Variants in ZSWIM6 observed in about 807,000 individuals in gnomAD.
ZSWIM6 encodes zinc finger SWIM-type containing 6, also known as zinc finger SWIM domain-containing protein 6.
In ZSWIM6, 9 loss-of-function variants were observed where a neutral mutation model predicts 113.2. The ratio of observed to expected loss-of-function variants is 0.08; its 90% CI spans 0.05 to 0.14. The LOEUF is 0.14. Ranked by LOEUF, ZSWIM6 falls within the 10% of genes least tolerant of loss-of-function variation. ZSWIM6 has a pLI of 1.00. For synonymous variants in ZSWIM6, 611 were observed against 606.5 expected, an observed-to-expected ratio of 1.01 and a Z score of -0.11; for missense variants, 1,162 against 1,552.2, an observed-to-expected ratio of 0.75 and a Z score of 4.22.
chr5:61,485,348 T>C (rs1307282188), intron 2 of ZSWIM6, among the ~76,000 whole-genome samples: 1 of 152,236 alleles, frequency 6.6e-6, no homozygotes, highest in East Asian at 1.9e-4. Context: ...GATTTGGTCC[T>C]AGATGCTCTT....
At chr5:61,345,444 C>G (rs1386036632) in intron 1 of ZSWIM6, among the ~76,000 whole-genome samples, 1 of 152,044 alleles carries the variant, frequency 6.6e-6, no homozygotes, top group East Asian at 1.9e-4. Context: ...AAGAATGTGG[C>G]TATCTGTAAA....
chr5:61,338,204 A>G lies in ZSWIM6; in HGVS notation c.676+5256A>G, dbSNP rs564425609. ...GGGGGTGGCAAAGCAGTAAAAGAACATTATTAGAATTAAGATGGGTACAAA... is the reference window on the plus strand; with the variant it reads ...GGGGGTGGCAAAGCAGTAAAAGAACGTTATTAGAATTAAGATGGGTACAAA... On this transcript the variant is annotated intron_variant, in intron 1 of 13. Transcript: ENST00000252744. 4.0e-5 allele frequency among the ~76,000 whole-genome samples: 6 copies of G among 151,672 alleles called. No individual in the cohort carries two copies. The South Asian group carries it at 1.2e-3, about 32-fold the overall frequency.
At chr5:61,536,812 T>A (rs1385311781) in intron 10 of ZSWIM6, among the ~76,000 whole-genome samples, 2 of 152,228 alleles carry the variant, frequency 1.3e-5, no homozygotes, top group Non-Finnish European at 2.9e-5. Flanking sequence ...CTTACTAACC[T>A]GCTGGAGAAT....
intron 9 of ZSWIM6, among the ~76,000 whole-genome samples, chr5:61,533,457 A>G (rs1394258652): frequency 2.0e-5 from 3 of 152,230 alleles, no homozygotes; most frequent in African/African-American, 7.2e-5. Flanking sequence ...TAGATAAATT[A>G]GCATATTGAA....
At chr5:61,438,824 A>G (rs1015555638) in intron 1 of ZSWIM6, among the ~76,000 whole-genome samples, 1 of 152,290 alleles carries the variant, frequency 6.6e-6, no homozygotes, top group Non-Finnish European at 1.5e-5. Flanking sequence ...TGAGGAGGAA[A>G]GCATTCCAAC....
chr5:61,467,994 C>A (rs1044311312), intron 1 of ZSWIM6, among the ~76,000 whole-genome samples: 1 of 152,150 alleles, frequency 6.6e-6, no homozygotes, highest in Non-Finnish European at 1.5e-5. Flanking sequence ...CACACCCCTC[C>A]CCTGTTTCTC....
chr5:61,542,137 T>C (rs1749757705), intron 13 of ZSWIM6, among the ~76,000 whole-genome samples, 172 bp downstream of exon 13: 1 of 152,268 alleles, frequency 6.6e-6, no homozygotes, highest in Non-Finnish European at 1.5e-5. Context: ...CCTTCAGTTA[T>C]ACATACTTGT....
At chr5:61,351,694 T>G (rs1349826143) in intron 1 of ZSWIM6, among the ~76,000 whole-genome samples, 1 of 152,202 alleles carries the variant, frequency 6.6e-6, no homozygotes, top group African/African-American at 2.4e-5. Flanking sequence ...CTATTCCACA[T>G]TCTATTTTTG....
At chr5:61,362,546 A>G (rs779879172) in intron 1 of ZSWIM6, among the ~76,000 whole-genome samples, 3 of 152,188 alleles carry the variant, frequency 2.0e-5, no homozygotes, top group Non-Finnish European at 2.9e-5. Flanking sequence ...AAGCTTGCAC[A>G]GGGAGCCTCA....
At chr5:61,444,069 G>GT (rs1468332458) in intron 1 of ZSWIM6, among the ~76,000 whole-genome samples, 1 of 150,616 alleles carries the variant, frequency 6.6e-6, no homozygotes, top group Middle Eastern at 3.2e-3. Context: ...TTAGCATTAG[G>GT]TATATCTCCT....
At chr5:61,407,633 A>G (rs1335720683) in intron 1 of ZSWIM6, among the ~76,000 whole-genome samples, 1 of 152,362 alleles carries the variant, frequency 6.6e-6, no homozygotes, top group East Asian at 1.9e-4. Flanking sequence ...GCTCCTACAA[A>G]GCAGTAAGAA....
intron 1 of ZSWIM6, among the ~76,000 whole-genome samples, chr5:61,445,418 A>T (rs891107208): frequency 6.6e-6 from 1 of 152,220 alleles, no homozygotes; most frequent in Non-Finnish European, 1.5e-5. Flanking sequence ...AACTTTCACC[A>T]TTAGAATCCT....
chr5:61,390,780 A>T, intron 1 of ZSWIM6: 1 of 789,532 alleles, frequency 1.3e-6, no homozygotes, highest in Non-Finnish European at 2.3e-6. Context: ...GGTGTCAATG[A>T]ACTTAAGGTC....
chr5:61,451,183 C>G (rs1321255626), intron 1 of ZSWIM6, among the ~76,000 whole-genome samples: 1 of 152,126 alleles, frequency 6.6e-6, no homozygotes, highest in Non-Finnish European at 1.5e-5. Context: ...CTTGAGCTCC[C>G]TTAGTTCTTT....
intron 1 of ZSWIM6, among the ~76,000 whole-genome samples, chr5:61,431,601 C>T (rs535672222): frequency 9.2e-5 from 14 of 151,620 alleles, no homozygotes; most frequent in South Asian, 6.3e-4. Context: ...AAAAATTAGC[C>T]GGGCGTGGTG....
chr5:61,537,693 G>A (rs1749615992), intron 10 of ZSWIM6, among the ~76,000 whole-genome samples: 1 of 152,144 alleles, frequency 6.6e-6, no homozygotes. Context: ...TGGCTTACCA[G>A]GCAATAATTG....
At chr5:61,520,281 T>A (rs1282509331) in intron 4 of ZSWIM6, among the ~76,000 whole-genome samples, 1 of 152,158 alleles carries the variant, frequency 6.6e-6, no homozygotes, top group African/African-American at 2.4e-5. Flanking sequence ...AAAGAAGTAG[T>A]GTTGTGAAAA....
intron 1 of ZSWIM6, among the ~76,000 whole-genome samples, chr5:61,395,343 C>G (rs1357846356): frequency 1.3e-5 from 2 of 151,840 alleles, no homozygotes; most frequent in African/African-American, 4.8e-5. Flanking sequence ...CAAGAGAGGA[C>G]AGACAGCAGG....
chr5:61,447,111 G>A (rs145751120), intron 1 of ZSWIM6, among the ~76,000 whole-genome samples: 6 of 152,080 alleles, frequency 3.9e-5, no homozygotes, highest in Middle Eastern at 6.8e-3. Context: ...TACTAAGCAG[G>A]CCCAACCCTG....
Sources: gnomAD v4.1 joint callset for allele counts (sites outside exome capture counted in the v4.1 genomes callset) on GRCh38, gnomAD v4.1.1 for gene constraint, MANE v1.5 for transcripts, NCBI Gene and HGNC (gene_info 2026-07-23, HGNC 2026-07-21) for gene names.